WWOX: variants seen among roughly 807,000 people sequenced by gnomAD.
WWOX encodes WW domain-containing oxidoreductase.
WWOX carries 69 observed loss-of-function variants against 46.2 expected under a neutral mutation model. That is an observed-to-expected ratio of 1.49 (90% CI 1.23 to 1.82). The LOEUF (loss-of-function observed/expected upper bound fraction) is 1.82. WWOX is among the 40% of genes most tolerant of loss of function. The pLI is 0.00. For synonymous variants in WWOX, 359 were observed against 202.6 expected (o/e 1.77, Z -6.56); for missense variants, 919 against 542.6 (o/e 1.69, Z -6.89).
intron 8 of WWOX, among the ~76,000 whole-genome samples, chr16:78,749,136 C>G (rs1224316723): frequency 6.6e-6 from 1 of 152,166 alleles, no homozygotes; most frequent in Non-Finnish European, 1.5e-5. Context: ...TCCTCCATGA[C>G]CAAGGGCTGT....
intron 5 of WWOX, among the ~76,000 whole-genome samples, chr16:78,328,685 A>G (rs2080687756): frequency 6.6e-6 from 1 of 152,192 alleles, no homozygotes; most frequent in Non-Finnish European, 1.5e-5. Flanking sequence ...GATAATGCTG[A>G]TGTGACTGGA....
intron 8 of WWOX, among the ~76,000 whole-genome samples, chr16:78,801,823 A>T (rs1243028701): frequency 1.3e-5 from 2 of 152,180 alleles, no homozygotes; most frequent in Non-Finnish European, 2.9e-5. Flanking sequence ...GCTGTGTAAG[A>T]TATACAATTT....
At position 79,098,189 on chromosome 16, in the gene WWOX, C is replaced by G. The variant is rs568438919; in HGVS notation, c.1057-113419C>G. Reference sequence around the variant, plus strand: ...CTTGAAAACACACAGATGCCTGGGCCTCACCATCCAGAGAGACATTCATTT... The same window carrying G: ...CTTGAAAACACACAGATGCCTGGGCGTCACCATCCAGAGAGACATTCATTT... On this transcript the variant is annotated intron_variant, in intron 8 of 8. Transcript: ENST00000566780. Among the ~76,000 whole-genome samples the G allele has an allele frequency of 3.3e-5, 5 of 152,280 alleles. No individual in the cohort carries two copies. The South Asian group carries it at 8.3e-4, about 25-fold the overall frequency.
At chr16:79,206,587 G>C (rs934340302) in intron 8 of WWOX, 1 of 152,206 alleles carries the variant, frequency 6.6e-6, no homozygotes, top group Admixed American at 6.5e-5. Context: ...GATGTCACTT[G>C]AATAGTACTC....
intron 8 of WWOX, among the ~76,000 whole-genome samples, chr16:78,920,155 C>T (rs907401823): frequency 4.6e-5 from 7 of 152,124 alleles, no homozygotes; most frequent in African/African-American, 9.7e-5. Context: ...TCTTGGTCTT[C>T]TCCATGCCAG....
intron 8 of WWOX, chr16:78,892,116 C>G (rs984585223): frequency 1.3e-5 from 2 of 152,080 alleles, no homozygotes; most frequent in East Asian, 3.9e-4. Flanking sequence ...TTGTCACTTG[C>G]CAAACCATGT....
At chr16:78,809,670 C>G (rs113012941) in intron 8 of WWOX, among the ~76,000 whole-genome samples, 1 of 152,148 alleles carries the variant, frequency 6.6e-6, no homozygotes. Context: ...TTCCAGATGC[C>G]TTCTAGAAAG....
chr16:78,440,076 C>A (rs988719764), intron 8 of WWOX, among the ~76,000 whole-genome samples: 3 of 152,104 alleles, frequency 2.0e-5, no homozygotes, highest in African/African-American at 7.2e-5. Context: ...GCTTTTTGAG[C>A]CTCTAGAGTG....
At chr16:79,069,386 T>C (rs2048506055) in intron 8 of WWOX, among the ~76,000 whole-genome samples, 1 of 152,190 alleles carries the variant, frequency 6.6e-6, no homozygotes, top group African/African-American at 2.4e-5. Flanking sequence ...CAGCTTTATT[T>C]CATTGACAGA....
At chr16:78,607,120 G>C (rs939043310) in intron 8 of WWOX, among the ~76,000 whole-genome samples, 13 of 152,064 alleles carry the variant, frequency 8.5e-5, no homozygotes, top group African/African-American at 3.1e-4. Flanking sequence ...TGGATGAAAA[G>C]TTGATTTTAT....
intron 8 of WWOX, among the ~76,000 whole-genome samples, chr16:78,876,935 G>C (rs2044245721): frequency 6.6e-6 from 1 of 152,046 alleles, no homozygotes; most frequent in African/African-American, 2.4e-5. Context: ...TTAAAATTAA[G>C]GCATAAAGTA....
chr16:79,186,307 G>A (rs549823125), intron 8 of WWOX, among the ~76,000 whole-genome samples: 4 of 152,180 alleles, frequency 2.6e-5, no homozygotes, highest in Non-Finnish European at 4.4e-5. Flanking sequence ...GAAGCCAGAC[G>A]TCTGAGACCA....
intron 8 of WWOX, among the ~76,000 whole-genome samples, chr16:78,683,017 G>C (rs74032721): frequency 6.6e-6 from 1 of 152,252 alleles, no homozygotes; most frequent in South Asian, 2.1e-4. Flanking sequence ...TGAATCTGTA[G>C]GCTGCTGTGA....
At chr16:78,716,793 C>G (rs2048572686) in intron 8 of WWOX, among the ~76,000 whole-genome samples, 1 of 152,110 alleles carries the variant, frequency 6.6e-6, no homozygotes, top group Non-Finnish European at 1.5e-5. Context: ...GAAACGTGGC[C>G]CAGCATTGTC....
At chr16:78,990,557 G>A (rs1045641862) in intron 8 of WWOX, among the ~76,000 whole-genome samples, 5 of 152,290 alleles carry the variant, frequency 3.3e-5, no homozygotes, top group African/African-American at 9.6e-5. Flanking sequence ...TTTACACCGG[G>A]GAGCCCCCAA....
intron 8 of WWOX, among the ~76,000 whole-genome samples, chr16:78,797,377 A>G (rs1381503763): frequency 7.1e-6 from 1 of 140,172 alleles, no homozygotes; most frequent in African/African-American, 2.5e-5. Context: ...AAAAAAAAAA[A>G]AAAGGAAAAT....
At chr16:78,557,131 A>G (rs2044317056) in intron 8 of WWOX, among the ~76,000 whole-genome samples, 2 of 152,196 alleles carry the variant, frequency 1.3e-5, no homozygotes, top group South Asian at 2.1e-4. Flanking sequence ...ACATTGCTCC[A>G]TTTGGACTTC....
intron 8 of WWOX, among the ~76,000 whole-genome samples, chr16:78,763,150 G>C (rs925937727): frequency 3.9e-5 from 6 of 152,226 alleles, no homozygotes; most frequent in African/African-American, 1.2e-4. Flanking sequence ...TACTGAAAGC[G>C]TTACAGTCAA....
chr16:78,812,926 G>T (rs998925985), intron 8 of WWOX, among the ~76,000 whole-genome samples: 11 of 152,122 alleles, frequency 7.2e-5, no homozygotes, highest in African/African-American at 2.4e-4. Context: ...ACTCACTGGT[G>T]AATTTGTCTT....
Sources: allele counts gnomAD v4.1 joint callset (sites outside exome capture counted in the v4.1 genomes callset), GRCh38; gene constraint gnomAD v4.1.1; transcripts MANE v1.5; gene names NCBI Gene and HGNC (gene_info 2026-07-23, HGNC 2026-07-21).